Variants in RNF31 observed in about 807,000 individuals in gnomAD.
RNF31 encodes the protein ring finger protein 31, also known as E3 ubiquitin-protein ligase RNF31.
In RNF31, 38 loss-of-function variants were observed where a neutral mutation model predicts 133.6. That is an observed-to-expected ratio of 0.28 (90% CI 0.22 to 0.37). The LOEUF is 0.37. Among genes scored for constraint, RNF31 ranks in the 10% least tolerant of loss-of-function variants. RNF31 has a pLI of 1.00. For synonymous variants in RNF31, 582 were observed against 552.3 expected (o/e 1.05, Z -0.75); for missense variants, 1,118 against 1,394.1 (o/e 0.80, Z 3.15).
At chr14:24,159,728 A>G in intron 18 of RNF31, 136 bp from the exon 19 acceptor site, 3 of 689,846 alleles carry the variant, frequency 4.3e-6, no homozygotes, top group African/African-American at 1.8e-5. Flanking sequence ...ACCCACCAGC[A>G]CCACTGGGAA....
chr14:24,151,505 A>T lies in RNF31; in HGVS notation c.1758A>T (p.Leu586=). ...TGCAGGTGCAGGAGCTCCAGTCTCT[A>T]GGCTTTGGGCCTGAGGAGGGGTCTC... ...RRRKVQELQS[L]GFGPEEGSLQ... Residue 586 remains leucine (L), a synonymous_variant, in exon 10 of 21, where the codon CTA becomes CTT. Coordinates refer to ENST00000324103, the MANE Select transcript of RNF31 (RefSeq NM_017999.5). This position sits in a 1 kb window ranked among gnomAD's most constrained non-coding sequence, Gnocchi z 5.3. 6.2e-7 allele frequency: 1 copy of T among 1,614,112 alleles called. No individual in the cohort carries two copies. The highest frequency in any genetic ancestry group is 8.5e-7 in the Non-Finnish European group (1 of 1,180,010).
chr14:24,148,764 C>T (rs2038216650), intron 4 of RNF31, 37 bp from the exon 5 acceptor site: 1 of 1,613,704 alleles, frequency 6.2e-7, no homozygotes, highest in African/African-American at 1.3e-5. Flanking sequence ...CTCTGTGTCC[C>T]TAAACCCTTA....
At chr14:24,154,048 C>T (rs931203787) in intron 11 of RNF31, among the ~76,000 whole-genome samples, 3 of 152,300 alleles carry the variant, frequency 2.0e-5, no homozygotes, top group Non-Finnish European at 4.4e-5. Flanking sequence ...CTGGCTGGAG[C>T]GCAGTCGCGC....
In RNF31 at chr14:24,160,556, C is replaced by T; in HGVS notation, c.3202C>T (p.Pro1068Ser). 6.5e-7 allele frequency: 1 copy of T among 1,537,494 alleles called. No individual in the cohort carries two copies. Among genetic ancestry groups the T allele is most frequent in the South Asian group, 1.3e-5 (1 of 79,572 alleles). ...AGAGGTACCCTTGGGACAGAGTATCCCCCGCAGGCGGAAGTAGCTGAGGGC... is the reference window on the plus strand; with the variant it reads ...AGAGGTACCCTTGGGACAGAGTATCTCCCGCAGGCGGAAGTAGCTGAGGGC... ...TEEVPLGQSI[P>S]RRRK Residue 1068 changes from proline (P) to serine (S), a missense_variant, in exon 21 of 21, where the codon CCC becomes TCC. Around this residue, in one of 3 missense-constraint regions of RNF31, gnomAD observed 170 missense variants for 194.5 expected, o/e 0.87. Coordinates refer to ENST00000324103, the MANE Select transcript of RNF31 (RefSeq NM_017999.5). The surrounding 1 kb of genome is among the most constrained non-coding windows in gnomAD (Gnocchi z 4.0).
chr14:24,158,458 A>G, intron 18 of RNF31: 2 of 522,964 alleles, frequency 3.8e-6, no homozygotes, highest in Non-Finnish European at 6.8e-6. Flanking sequence ...CCATTCCCAA[A>G]TGATCATAAT....
At position 24,151,845 on chromosome 14, in the gene RNF31, G is replaced by A. The variant is rs2038272041; in HGVS notation, c.1983G>A (p.Leu661=). 1 of 1,614,070 alleles carries A rather than the reference G, an allele frequency of 6.2e-7. No homozygotes were observed. ...TCCCCAGCTGGGGCCGGGCAGAGCT[G>A]GCACTGTCACTGCTGCAGGAGACAC... is the stretch of plus-strand genomic sequence containing the variant. ...YALPSWGRAE[L]ALSLLQETPR... is the part of the protein sequence containing the mutation. Residue 661 remains leucine, a synonymous_variant, in exon 11 of 21, where the codon CTG becomes CTA. Transcript: ENST00000324103. This position sits in a 1 kb window ranked among gnomAD's most constrained non-coding sequence, Gnocchi z 5.3.
At position 24,147,636 on chromosome 14, in the gene RNF31, G is replaced by GCCGCGCGCTGC. The variant is rs1594372589; in HGVS notation, c.-56_-46dup. ...ACCAGACGGGAGGGGCGGCGCTCGGGCCGCGCGCTGCCCGCGCCGGGTCCT... is the reference window on the plus strand; with the variant it reads ...ACCAGACGGGAGGGGCGGCGCTCGGGCCGCGCGCTGCCCGCGCGCTGCCCGCGCCGGGTCCT... On this transcript the variant is annotated 5_prime_UTR_variant, in exon 1 of 21. Coordinates refer to ENST00000324103, the MANE Select transcript of RNF31 (RefSeq NM_017999.5). 1 of 1,342,582 alleles carries GCCGCGCGCTGC rather than the reference G, an allele frequency of 7.4e-7. No individual in the cohort carries two copies. The highest frequency in any genetic ancestry group is 9.5e-7 in the Non-Finnish European group (1 of 1,047,678). The allele number at this position is 1,342,582 out of a possible 1,614,324, so 83.2% of individuals were successfully genotyped here.
At chr14:24,150,483 C>T in intron 7 of RNF31, 35 bp downstream of exon 7, 2 of 1,587,176 alleles carry the variant, frequency 1.3e-6, no homozygotes, top group East Asian at 4.5e-5. Flanking sequence ...TCGTGTGTTA[C>T]CTCAGGCATT....
chr14:24,147,304 G>T, upstream of RNF31: 1 of 188,172 alleles, frequency 5.3e-6, no homozygotes, highest in Non-Finnish European at 1.1e-5. Flanking sequence ...ATTGGGGGAA[G>T]GCGGGGAAGA....
At chr14:24,154,003 G>T (rs954836242) in intron 11 of RNF31, among the ~76,000 whole-genome samples, 5 of 152,088 alleles carry the variant, frequency 3.3e-5, no homozygotes, top group Non-Finnish European at 7.4e-5. Flanking sequence ...ACTCAGCGAT[G>T]ACATTTTTTT....
In RNF31 at chr14:24,157,325, C is replaced by A; in HGVS notation, c.2529C>A (p.Asp843Glu). ...EEQHRGRSCEDFQNWKRMNDP... is the reference protein window; with the variant it reads ...EEQHRGRSCEEFQNWKRMNDP... ...AGCACCGAGGTCGGAGCTGTGAGGA[C>A]TTCCAGAACTGGAAACGCATGAACG... Residue 843 changes from aspartate (D) to glutamate (E), a missense_variant, in exon 15 of 21, where the codon GAC becomes GAA. Physicochemically the swap from Asp to Glu is conservative, Grantham distance 45. Around this residue, in one of 3 missense-constraint regions of RNF31, gnomAD observed 201 missense variants for 371.7 expected, o/e 0.54. Transcript: ENST00000324103. The A allele has an allele frequency of 6.2e-7, 1 of 1,612,568 alleles. No homozygotes were observed. The highest frequency in any genetic ancestry group is 8.5e-7 in the Non-Finnish European group (1 of 1,178,784).
chr14:24,155,184 A>G lies in RNF31; in HGVS notation c.2158A>G (p.Thr720Ala). Residue 720 changes from threonine (T) to alanine (A), a missense_variant, in exon 12 of 21, where the codon ACC becomes GCC. Physicochemically the swap from Thr to Ala is moderately conservative, Grantham distance 58. This residue lies in a region of RNF31 where 201 missense variants were observed against 371.7 expected (regional missense o/e 0.54). Coordinates refer to ENST00000324103, the MANE Select transcript of RNF31 (RefSeq NM_017999.5). This position sits in a 1 kb window ranked among gnomAD's most constrained non-coding sequence, Gnocchi z 4.9. ...RMQALTSCECTICPDCFRQHF... is the reference protein window; with the variant it reads ...RMQALTSCECAICPDCFRQHF... Reference sequence around the variant, plus strand: ...GCAGGCCCTGACTTCCTGTGAGTGCACCATCTGTCCTGACTGCTTCCGCCA... The same window carrying G: ...GCAGGCCCTGACTTCCTGTGAGTGCGCCATCTGTCCTGACTGCTTCCGCCA... 6.2e-7 allele frequency: 1 copy of G among 1,613,854 alleles called. No homozygotes were observed. The highest frequency in any genetic ancestry group is 8.5e-7 in the Non-Finnish European group (1 of 1,179,958).
chr14:24,154,174 T>G (rs1031674785), intron 11 of RNF31, among the ~76,000 whole-genome samples: 2 of 152,084 alleles, frequency 1.3e-5, no homozygotes, highest in African/African-American at 4.8e-5. Flanking sequence ...TTTTTTTTTT[T>G]GAGACAGAGT....
chr14:24,156,053 C>G (rs566364769), intron 14 of RNF31, among the ~76,000 whole-genome samples: 1 of 152,302 alleles, frequency 6.6e-6, no homozygotes, highest in South Asian at 2.1e-4. Flanking sequence ...GGTTTAAGCT[C>G]AGGCCTAAAC....
Position 24,148,398 on chromosome 14 carries a change from C to G in RNF31, c.480C>G (p.Leu160=). The G allele has an allele frequency of 3.7e-6, 6 of 1,614,084 alleles. No homozygotes were observed. Among genetic ancestry groups the G allele is most frequent in the Non-Finnish European group, 5.1e-6 (6 of 1,180,008 alleles). Reference sequence around the variant, plus strand: ...AAGTACTGCTGCTTCGGACAGAGCTCAGCCTGCTATTGCAGGTGAGATGCT... The same window carrying G: ...AAGTACTGCTGCTTCGGACAGAGCTGAGCCTGCTATTGCAGGTGAGATGCT... The part of the protein sequence containing the change: ...TLEVLLLRTE[L]SLLLQNTHPR... Residue 160 remains leucine, a synonymous_variant, in exon 3 of 21, where the codon CTC becomes CTG. Transcript: ENST00000324103.
chr14:24,149,822 A>G (rs2038235601), intron 6 of RNF31, among the ~76,000 whole-genome samples: 1 of 152,226 alleles, frequency 6.6e-6, no homozygotes, highest in Admixed American at 6.5e-5. Flanking sequence ...TCAGGTGGCA[A>G]TATTTTAAAC....
Position 24,149,546 on chromosome 14 carries a change from C to G in RNF31, c.772C>G (p.Leu258Val), listed in dbSNP as rs755146864. Residue 258 changes from leucine to valine, a missense_variant, in exon 6 of 21, where the codon CTG (leucine) becomes GTG (valine). Transcript: ENST00000324103. ...PSRAHHLRQT[L>V]PGVLQGTHLS... Reference sequence around the variant, plus strand: ...CCGTGCTCATCACCTCCGCCAGACCCTGCCTGGGGTCCTGCAGGGTACCCA... The same window carrying G: ...CCGTGCTCATCACCTCCGCCAGACCGTGCCTGGGGTCCTGCAGGGTACCCA... The G allele has an allele frequency of 1.1e-5, 17 of 1,614,136 alleles. No homozygotes were observed. The South Asian group carries it at 1.6e-4, about 16-fold the overall frequency.
Position 24,151,952 on chromosome 14 carries a change from A to G in RNF31, c.2090A>G (p.Gln697Arg), listed in dbSNP as rs770870324. 38 of 1,614,172 alleles carry G rather than the reference A, an allele frequency of 2.4e-5. 1 individual carries two copies. The South Asian group carries it at 4.1e-4, about 17-fold the overall frequency. Residue 697 changes from glutamine (Q) to arginine (R), a missense_variant, in exon 11 of 21, where the codon CAG becomes CGG. Gln to Arg is a conservative substitution (Grantham distance 43, BLOSUM62 1). This residue lies in a region of RNF31 where 201 missense variants were observed against 371.7 expected (regional missense o/e 0.54). Transcript: ENST00000324103. This position sits in a 1 kb window ranked among gnomAD's most constrained non-coding sequence, Gnocchi z 5.3. ...GCCTTCCTGCGCCGCTTGCTTGCCC[A>G]GGAGTGTGCCGTGTGTGGCTGGGCC... ...DRAFLRRLLA[Q>R]ECAVCGWALP...
In RNF31 at chr14:24,155,590, C is replaced by T. The variant is rs1161895803; in HGVS notation, c.2404-13C>T. 1 of 1,613,932 alleles carries T rather than the reference C, an allele frequency of 6.2e-7. No individual in the cohort carries two copies. The highest frequency in any genetic ancestry group is 1.3e-5 in the African/African-American group (1 of 74,940). On this transcript the variant is annotated splice_polypyrimidine_tract_variant and intron_variant, in intron 13 of 20. Transcript: ENST00000324103. The surrounding 1 kb of genome is among the most constrained non-coding windows in gnomAD (Gnocchi z 4.9). ...GTCAGGCCTTTGATAACTTTATGCT[C>T]TTGCACTTCCAGTGCTCCTTTGGCT...
Sources: allele counts gnomAD v4.1 joint callset (sites outside exome capture counted in the v4.1 genomes callset), GRCh38; gene constraint gnomAD v4.1.1; regional missense constraint gnomAD v4.1.1; non-coding constraint Gnocchi (gnomAD v3.1); transcripts MANE v1.5; gene names NCBI Gene and HGNC (gene_info 2026-07-23, HGNC 2026-07-21).